ATAD2B: variants seen among roughly 807,000 people sequenced by gnomAD.
The protein encoded by ATAD2B is ATPase family AAA domain-containing protein 2B.
Under a neutral mutation model 167.6 loss-of-function variants are expected in ATAD2B, and 40 were observed. That is an observed-to-expected ratio of 0.24 (90% CI 0.19 to 0.31). The LOEUF is 0.31. ATAD2B is among the 10% of genes least tolerant of loss of function. The pLI, the probability that ATAD2B is intolerant of heterozygous loss-of-function variation, is 1.00. For synonymous variants in ATAD2B, 579 were observed against 596.5 expected (o/e 0.97, Z 0.43); for missense variants, 1,242 against 1,757.2 (o/e 0.71, Z 5.24).
chr2:23,752,546 T>C lies in ATAD2B; in HGVS notation c.4336-459A>G, dbSNP rs996021172. Among the ~76,000 whole-genome samples the C allele has an allele frequency of 4.0e-5, 6 of 151,550 alleles. No individual in the cohort carries two copies. In the East Asian group the frequency reaches 5.8e-4, roughly 15 times the overall value. Reference sequence around the variant, plus strand: ...GTTTTAACTCCCATAACATTGAAGATTGAACAAACGTATTACTATCAGGTC... The same window carrying C: ...GTTTTAACTCCCATAACATTGAAGACTGAACAAACGTATTACTATCAGGTC... On this transcript the variant is annotated intron_variant, in intron 27 of 27. Coordinates refer to ENST00000238789, the MANE Select transcript of ATAD2B (RefSeq NM_017552.4).
chr2:23,762,566 C>T (rs1676887001), intron 23 of ATAD2B, among the ~76,000 whole-genome samples: 1 of 152,170 alleles, frequency 6.6e-6, no homozygotes, highest in South Asian at 2.1e-4. Flanking sequence ...CATGTTTACA[C>T]TTAATCCCCA....
At chr2:23,915,586 CTTTTTTT>C (rs869032768) in intron 1 of ATAD2B, among the ~76,000 whole-genome samples, 4 of 65,236 alleles carry the variant, frequency 6.1e-5, no homozygotes, top group East Asian at 5.5e-4. Context: ...ACTACCGATT[CTTTTTTT>C]TTTTTTTTTT....
intron 17 of ATAD2B, among the ~76,000 whole-genome samples, chr2:23,815,959 C>T (rs1232329362): frequency 2.0e-5 from 3 of 152,090 alleles, no homozygotes; most frequent in African/African-American, 7.2e-5. Context: ...TAAATGAGGG[C>T]CAGGATCTTA....
At chr2:23,793,399 A>T (rs72780199) in intron 19 of ATAD2B, among the ~76,000 whole-genome samples, 1 of 152,046 alleles carries the variant, frequency 6.6e-6, no homozygotes, top group African/African-American at 2.4e-5. Flanking sequence ...AATATCTCTA[A>T]TTTATTTGCT....
At chr2:23,682,174 C>G in the ATAD2B span, among the ~76,000 whole-genome samples, 5 of 152,338 alleles carry the variant, frequency 3.3e-5, no homozygotes, top group Non-Finnish European at 5.9e-5. The surrounding 1 kb of genome is among the most constrained non-coding windows in gnomAD (Gnocchi z 4.1). Flanking sequence ...GTTTCTCTGT[C>G]CTGCTGTTGC....
At chr2:23,813,381 T>C (rs1346821725) in intron 17 of ATAD2B, among the ~76,000 whole-genome samples, 1 of 149,706 alleles carries the variant, frequency 6.7e-6, no homozygotes, top group Non-Finnish European at 1.5e-5. Context: ...TATAAATGTA[T>C]AAAATGTATA....
chr2:23,926,469 C>A, intron 1 of ATAD2B, 86 bp downstream of exon 1: 1 of 1,488,318 alleles, frequency 6.7e-7, no homozygotes, highest in Non-Finnish European at 8.9e-7. Flanking sequence ...CCACTGTAGG[C>A]TTCCTACCCC....
At chr2:23,808,300 T>A (rs1684983423) in intron 18 of ATAD2B, among the ~76,000 whole-genome samples, 1 of 149,530 alleles carries the variant, frequency 6.7e-6, no homozygotes, top group Non-Finnish European at 1.5e-5. Context: ...TTAATAAAGA[T>A]GGCTTCTTCC....
At chr2:23,796,633 TA>T (rs1682672358) in intron 19 of ATAD2B, among the ~76,000 whole-genome samples, 1 of 152,192 alleles carries the variant, frequency 6.6e-6, no homozygotes, top group Non-Finnish European at 1.5e-5. Context: ...TTTCTTTTTA[TA>T]AAATTAGAAT....
At chr2:23,858,984 T>G (rs1250766068) in intron 12 of ATAD2B, among the ~76,000 whole-genome samples, 1 of 152,142 alleles carries the variant, frequency 6.6e-6, no homozygotes, top group African/African-American at 2.4e-5. Flanking sequence ...ATCCTAAAAG[T>G]AGAACTACTA....
intron 24 of ATAD2B, among the ~76,000 whole-genome samples, chr2:23,760,729 C>CAT (rs1553373352): frequency 3.0e-4 from 38 of 127,232 alleles, no homozygotes; most frequent in African/African-American, 1.1e-3. Context: ...CACACACACA[C>CAT]ATATACACAC....
At chr2:23,778,297 A>G (rs1225894216) in intron 22 of ATAD2B, among the ~76,000 whole-genome samples, 1 of 152,180 alleles carries the variant, frequency 6.6e-6, no homozygotes, top group African/African-American at 2.4e-5. Context: ...TGCACCAGAA[A>G]CCATTACTTC....
At chr2:23,777,722 G>A (rs184232941) in intron 22 of ATAD2B, among the ~76,000 whole-genome samples, 1 of 152,248 alleles carries the variant, frequency 6.6e-6, no homozygotes, top group East Asian at 1.9e-4. Flanking sequence ...GGGGATATAG[G>A]AGGGGTGAAC....
intron 13 of ATAD2B, among the ~76,000 whole-genome samples, chr2:23,839,789 T>C (rs530375835): frequency 1.6e-4 from 24 of 152,244 alleles, no homozygotes; most frequent in African/African-American, 5.3e-4. Flanking sequence ...TTGAAGTATG[T>C]ATACCCTGTG....
intron 18 of ATAD2B, chr2:23,800,066 G>A (rs1172450579): frequency 6.9e-6 from 1 of 145,768 alleles, no homozygotes; most frequent in Non-Finnish European, 1.5e-5. Flanking sequence ...GAAGCACAAA[G>A]GCAACTGAGG....
intron 1 of ATAD2B, among the ~76,000 whole-genome samples, chr2:23,900,109 C>T (rs987198770): frequency 6.7e-6 from 1 of 149,038 alleles, no homozygotes. Context: ...GTAGAGACAG[C>T]GTTTCACTGT....
chr2:23,825,769 A>G (rs1688155089), intron 15 of ATAD2B, among the ~76,000 whole-genome samples: 1 of 107,640 alleles, frequency 9.3e-6, no homozygotes, highest in Admixed American at 1.1e-4. Flanking sequence ...GCCTAAGTTT[A>G]AAAAAATTAA....
At chr2:23,851,650 C>A (rs557000104) in intron 13 of ATAD2B, among the ~76,000 whole-genome samples, 1 of 152,112 alleles carries the variant, frequency 6.6e-6, no homozygotes, top group African/African-American at 2.4e-5. Flanking sequence ...AAGGTTCACG[C>A]TTGATGATAT....
chr2:23,763,415 A>C (rs948539483), intron 23 of ATAD2B, among the ~76,000 whole-genome samples: 2 of 152,224 alleles, frequency 1.3e-5, no homozygotes, highest in Non-Finnish European at 1.5e-5. Flanking sequence ...AATAGTTTTT[A>C]GTAGATGTAT....
Sources: allele counts gnomAD v4.1 joint callset (sites outside exome capture counted in the v4.1 genomes callset), GRCh38; gene constraint gnomAD v4.1.1; non-coding constraint Gnocchi (gnomAD v3.1); transcripts MANE v1.5; gene names NCBI Gene and HGNC (gene_info 2026-07-23, HGNC 2026-07-21).